The following TEX11 variants were observed in gnomAD, a reference collection of about 807,000 sequenced individuals.
The protein encoded by TEX11 is testis expressed 11, also known as testis-expressed protein 11.
In TEX11, 7 loss-of-function variants were observed where a neutral mutation model predicts 84.4. The observed-to-expected ratio is 0.08, with a 90% CI of 0.05 to 0.16. TEX11 has a LOEUF of 0.16. TEX11 is among the 10% of genes least tolerant of loss of function. The probability of loss-of-function intolerance (pLI) is 1.00; values close to 1 mark genes in which losing one functional copy is unlikely to be tolerated. For missense variants in TEX11, 551 were observed against 660.5 expected (o/e 0.83, Z 1.82); for synonymous variants, 264 against 222.8 (o/e 1.18, Z -1.64).
chrX:70,821,144 T>C (rs1210097171), intron 8 of TEX11, among the ~76,000 whole-genome samples: 2 of 111,876 alleles, frequency 1.8e-5, no homozygotes, highest in Non-Finnish European at 3.8e-5. Flanking sequence ...AAGGAACTCA[T>C]ACAACTCAAT....
chrX:70,616,631 G>A (rs1278659001), intron 20 of TEX11, among the ~76,000 whole-genome samples: 4 of 111,734 alleles, frequency 3.6e-5, no homozygotes, highest in Admixed American at 9.5e-5. Flanking sequence ...CCAAGTGTCC[G>A]TCAACAGATG....
chrX:70,717,236 T>C (rs936755442), intron 13 of TEX11, among the ~76,000 whole-genome samples: 4 of 111,624 alleles, frequency 3.6e-5, no homozygotes, highest in African/African-American at 1.3e-4. Flanking sequence ...TTCAAAATTT[T>C]ATCCTTGCAT....
intron 11 of TEX11, among the ~76,000 whole-genome samples, chrX:70,728,943 C>T (rs1267625848): frequency 1.2e-5 from 1 of 81,470 alleles, no homozygotes; most frequent in Admixed American, 1.5e-4. Flanking sequence ...CTCACACGGC[C>T]GGGTACTCCT....
chrX:70,783,223 A>G (rs767020719), intron 9 of TEX11, among the ~76,000 whole-genome samples: 1 of 111,946 alleles, frequency 8.9e-6, no homozygotes, highest in East Asian at 2.8e-4. Context: ...CCTGCTCCTC[A>G]ATGACTACTG....
intron 25 of TEX11, among the ~76,000 whole-genome samples, chrX:70,559,848 T>A (rs1474332256): frequency 8.9e-6 from 1 of 111,847 alleles, no homozygotes; most frequent in Non-Finnish European, 1.9e-5. Flanking sequence ...ATGTACTCAT[T>A]TCACCTGAGT....
chrX:70,818,158 G>A (rs1444396776), intron 8 of TEX11, among the ~76,000 whole-genome samples: 3 of 110,575 alleles, frequency 2.7e-5, no homozygotes, highest in African/African-American at 9.9e-5. Context: ...GCGTGGTGAC[G>A]CGCGCCTGGA....
intron 28 of TEX11, among the ~76,000 whole-genome samples, chrX:70,538,072 G>A (rs557422064): frequency 4.4e-4 from 49 of 111,492 alleles, no homozygotes; most frequent in African/African-American, 1.4e-3. Flanking sequence ...ATAAAAATTC[G>A]TAGTGAGGGA....
At chrX:70,609,784 TG>T (rs2089237916) in intron 21 of TEX11, among the ~76,000 whole-genome samples, 2 of 111,619 alleles carry the variant, frequency 1.8e-5, no homozygotes, top group Admixed American at 1.9e-4. Flanking sequence ...CTTTTTGGTG[TG>T]TTTTGGACAT....
the TEX11 span, among the ~76,000 whole-genome samples, chrX:70,519,359 C>T: frequency 6.3e-5 from 7 of 111,913 alleles, no homozygotes; most frequent in Non-Finnish European, 1.3e-4. Flanking sequence ...TTTCATTTCT[C>T]TTTCACTTAT....
intron 8 of TEX11, among the ~76,000 whole-genome samples, chrX:70,817,806 G>GA (rs1287578672): frequency 9.1e-5 from 10 of 109,441 alleles, no homozygotes; most frequent in African/African-American, 2.7e-4. Context: ...AAAAAGAAAG[G>GA]AAAAAAAAGG....
intron 13 of TEX11, among the ~76,000 whole-genome samples, chrX:70,698,751 C>A (rs2090302396): frequency 9.0e-6 from 1 of 111,040 alleles, no homozygotes; most frequent in African/African-American, 3.3e-5. Context: ...GCATAAGGGA[C>A]AGGAAGACTG....
At chrX:70,731,519 T>C (rs1463587708) in intron 11 of TEX11, among the ~76,000 whole-genome samples, 3 of 111,642 alleles carry the variant, frequency 2.7e-5, no homozygotes, top group East Asian at 2.8e-4. Flanking sequence ...GAGAATACTA[T>C]AAACACCTCC....
intron 8 of TEX11, among the ~76,000 whole-genome samples, chrX:70,815,481 A>C (rs1228188694): frequency 9.0e-6 from 1 of 111,485 alleles, no homozygotes; most frequent in Non-Finnish European, 1.9e-5. Flanking sequence ...TGAGTATAAT[A>C]AAATAAGGTA....
chrX:70,714,320 G>C (rs1425754720), intron 13 of TEX11, among the ~76,000 whole-genome samples: 1 of 111,390 alleles, frequency 9.0e-6, no homozygotes, highest in Non-Finnish European at 1.9e-5. Flanking sequence ...GCTTGGTGCA[G>C]AGCTGAGTTC....
At chrX:70,682,107 T>C (rs763286617) in intron 14 of TEX11, among the ~76,000 whole-genome samples, 54 of 111,640 alleles carry the variant, frequency 4.8e-4, no homozygotes, top group Non-Finnish European at 8.9e-4. Context: ...GATCTTACTA[T>C]CTGTGTTCTT....
intron 13 of TEX11, among the ~76,000 whole-genome samples, chrX:70,686,791 C>T (rs1437545689): frequency 9.0e-6 from 1 of 110,523 alleles, no homozygotes; most frequent in Non-Finnish European, 1.9e-5. Flanking sequence ...AGTGCAATAG[C>T]TGGGATGTGC....
intron 2 of TEX11, among the ~76,000 whole-genome samples, chrX:70,884,649 C>A (rs917516599): frequency 9.0e-6 from 1 of 110,536 alleles, no homozygotes; most frequent in African/African-American, 3.3e-5. Context: ...CAGGAAGTCC[C>A]AAATGACAAA....
chrX:70,652,250 T>A (rs1199740239), intron 16 of TEX11, among the ~76,000 whole-genome samples: 2 of 111,559 alleles, frequency 1.8e-5, no homozygotes, highest in Non-Finnish European at 3.8e-5. Flanking sequence ...CTCCCAAGCA[T>A]CTACAGAAGC....
At chrX:70,655,268 T>G (rs1191175754) in intron 16 of TEX11, among the ~76,000 whole-genome samples, 1 of 111,318 alleles carries the variant, frequency 9.0e-6, no homozygotes, top group Non-Finnish European at 1.9e-5. Context: ...TAATCTAAAT[T>G]TATACATGTG....
Sources: gnomAD v4.1 joint callset for allele counts (sites outside exome capture counted in the v4.1 genomes callset) on GRCh38, gnomAD v4.1.1 for gene constraint, MANE v1.5 for transcripts, NCBI Gene and HGNC (gene_info 2026-07-23, HGNC 2026-07-21) for gene names.